ADAMTS3: variants seen among roughly 807,000 people sequenced by gnomAD.
ADAMTS3 encodes A disintegrin and metalloproteinase with thrombospondin motifs 3.
In ADAMTS3, 73 loss-of-function variants were observed where a neutral mutation model predicts 129.0. That is an observed-to-expected ratio of 0.57 (90% CI 0.47 to 0.69). ADAMTS3 has a LOEUF of 0.69. ADAMTS3 is among the 30% of genes least tolerant of loss of function. ADAMTS3 has a pLI of 0.00. For synonymous variants in ADAMTS3, 477 were observed against 510.8 expected (o/e 0.93, Z 0.89); for missense variants, 1,457 against 1,514.5 (o/e 0.96, Z 0.63).
At chr4:72,466,456 G>A (rs193217243) in intron 3 of ADAMTS3, among the ~76,000 whole-genome samples, 1 of 152,066 alleles carries the variant, frequency 6.6e-6, no homozygotes, top group East Asian at 1.9e-4. Context: ...GAAAAACACC[G>A]TTACAGCACA....
intron 3 of ADAMTS3, among the ~76,000 whole-genome samples, chr4:72,526,528 A>T (rs1460871713): frequency 6.7e-6 from 1 of 149,180 alleles, no homozygotes; most frequent in Non-Finnish European, 1.5e-5. Context: ...CATATAAAAC[A>T]GTCTACTAAT....
chr4:72,388,966 C>T (rs1721514944), intron 4 of ADAMTS3, among the ~76,000 whole-genome samples: 1 of 152,190 alleles, frequency 6.6e-6, no homozygotes, highest in Non-Finnish European at 1.5e-5. Flanking sequence ...TAGGAAATCT[C>T]ATTAAAGACT....
At chr4:72,311,281 C>A in intron 13 of ADAMTS3, 100 bp from the exon 14 acceptor site, 1 of 1,079,342 alleles carries the variant, frequency 9.3e-7, no homozygotes, top group Non-Finnish European at 1.3e-6. Flanking sequence ...ACTGTGATTT[C>A]CTGAAAACAA....
At chr4:72,564,025 T>G (rs1721966537) in intron 2 of ADAMTS3, among the ~76,000 whole-genome samples, 1 of 152,164 alleles carries the variant, frequency 6.6e-6, no homozygotes, top group Non-Finnish European at 1.5e-5. Context: ...AAACTAGATA[T>G]CTGAGAGAGT....
chr4:72,444,413 C>T (rs1441453962), intron 3 of ADAMTS3, among the ~76,000 whole-genome samples: 1 of 151,828 alleles, frequency 6.6e-6, no homozygotes, highest in African/African-American at 2.4e-5. Flanking sequence ...CCTCAGGATA[C>T]TCTTTTCCAA....
chr4:72,406,081 G>C (rs575419341), intron 4 of ADAMTS3, among the ~76,000 whole-genome samples: 1 of 152,050 alleles, frequency 6.6e-6, no homozygotes, highest in Non-Finnish European at 1.5e-5. Flanking sequence ...TGTGAGAGAG[G>C]GCTGCTGAAT....
chr4:72,448,108 G>T (rs935224139), intron 3 of ADAMTS3, among the ~76,000 whole-genome samples: 1 of 151,590 alleles, frequency 6.6e-6, no homozygotes, highest in Admixed American at 6.6e-5. Context: ...AAGGTTCAGG[G>T]CCCCTTATTT....
rs151091475 is a variant in ADAMTS3, at chr4:72,452,816, C to G, written c.505-37845G>C. Among the ~76,000 whole-genome samples the G allele has an allele frequency of 3.3e-3, 507 of 151,864 alleles. 2 individuals are homozygous for G. Among genetic ancestry groups the G allele is most frequent in the African/African-American group, 0.011 (470 of 41,506 alleles). On this transcript the variant is annotated intron_variant, in intron 3 of 21. Transcript: ENST00000286657. The stretch of plus-strand genomic sequence containing the variant: ...CTCTCCTACAACCTAAAACCACTAT[C>G]TTGGTTCTAACTATTTACTTGTGTC...
intron 3 of ADAMTS3, among the ~76,000 whole-genome samples, chr4:72,483,114 C>A (rs1719483635): frequency 6.6e-6 from 1 of 151,610 alleles, no homozygotes; most frequent in African/African-American, 2.4e-5. Context: ...CTACTCTCAT[C>A]TTTTTTTTCA....
At chr4:72,408,736 G>A (rs906969584) in intron 4 of ADAMTS3, among the ~76,000 whole-genome samples, 1 of 150,362 alleles carries the variant, frequency 6.7e-6, no homozygotes, top group Non-Finnish European at 1.5e-5. Flanking sequence ...TTTAAAATGT[G>A]GTTAACGTGG....
chr4:72,409,011 C>A (rs1311387342), intron 4 of ADAMTS3, among the ~76,000 whole-genome samples: 1 of 151,876 alleles, frequency 6.6e-6, no homozygotes, highest in Non-Finnish European at 1.5e-5. Flanking sequence ...CACGTGTATA[C>A]CTATGTAACA....
intron 4 of ADAMTS3, among the ~76,000 whole-genome samples, chr4:72,390,337 G>A (rs1333260417): frequency 6.6e-6 from 1 of 151,976 alleles, no homozygotes; most frequent in Non-Finnish European, 1.5e-5. Flanking sequence ...TGTGATGACG[G>A]CACCAATGAT....
intron 3 of ADAMTS3, among the ~76,000 whole-genome samples, chr4:72,543,286 C>A (rs940045310): frequency 3.9e-5 from 6 of 151,942 alleles, no homozygotes; most frequent in African/African-American, 1.5e-4. Flanking sequence ...ATACAGCTAC[C>A]ATGGGGAACA....
chr4:72,460,091 AAG>A (rs1280217130), intron 3 of ADAMTS3, among the ~76,000 whole-genome samples: 1 of 151,528 alleles, frequency 6.6e-6, no homozygotes, highest in Non-Finnish European at 1.5e-5. Flanking sequence ...CATATTTAGA[AAG>A]AGAACCAGGA....
At chr4:72,464,060 A>C (rs1718855334) in intron 3 of ADAMTS3, among the ~76,000 whole-genome samples, 1 of 151,940 alleles carries the variant, frequency 6.6e-6, no homozygotes, top group Non-Finnish European at 1.5e-5. Context: ...TCCATCTAAA[A>C]AGCACAGATT....
intron 21 of ADAMTS3, among the ~76,000 whole-genome samples, chr4:72,284,946 T>A (rs1052750309): frequency 6.6e-6 from 1 of 152,292 alleles, no homozygotes; most frequent in Admixed American, 6.5e-5. Context: ...TAGAGTAGCA[T>A]CCCTGCATAT....
chr4:72,406,141 T>C (rs906650591), intron 4 of ADAMTS3, among the ~76,000 whole-genome samples: 6 of 152,092 alleles, frequency 3.9e-5, no homozygotes, highest in African/African-American at 1.4e-4. Context: ...GTGGATCATA[T>C]AGGCTGGACA....
intron 3 of ADAMTS3, among the ~76,000 whole-genome samples, chr4:72,529,478 A>G (rs1720903295): frequency 6.6e-6 from 1 of 151,098 alleles, no homozygotes. Flanking sequence ...ACCTAGTTAT[A>G]TATTAGAATC....
intron 3 of ADAMTS3, among the ~76,000 whole-genome samples, chr4:72,465,267 G>C (rs755369671): frequency 3.3e-5 from 5 of 152,008 alleles, no homozygotes; most frequent in Admixed American, 2.0e-4. Context: ...TGTAGGAGGA[G>C]TGACTGGCAA....
Sources: allele counts gnomAD v4.1 joint callset (sites outside exome capture counted in the v4.1 genomes callset), GRCh38; gene constraint gnomAD v4.1.1; transcripts MANE v1.5; gene names NCBI Gene and HGNC (gene_info 2026-07-23, HGNC 2026-07-21).